Variants in MON1B observed in about 807,000 individuals in gnomAD.
MON1B encodes vacuolar fusion protein MON1 homolog B.
A neutral mutation model predicts 45.1 loss-of-function variants in MON1B; 26 were observed. The ratio of observed to expected loss-of-function variants is 0.58; its 90% confidence interval spans 0.42 to 0.80. MON1B has a LOEUF of 0.80. Among genes scored for constraint, MON1B ranks in the 30% least tolerant of loss-of-function variants. The probability of loss-of-function intolerance (pLI) is 0.00; values close to 1 mark genes in which losing one functional copy is unlikely to be tolerated. For missense variants in MON1B, 737 were observed against 754.5 expected (o/e 0.98, Z 0.27); for synonymous variants, 395 against 320.2 (o/e 1.23, Z -2.49).
In MON1B at chr16:77,201,589, G is replaced by C. The variant is rs958292111; in HGVS notation, c.*3281G>C. On this transcript the variant is annotated 3_prime_UTR_variant, in exon 6 of 6. Transcript: ENST00000248248. ...AGCATCTAAAATGCTCTTCCACTTC[G>C]GCAGTGACCATGCGATGTAATCAAA... 1 of 152,060 alleles carries C rather than the reference G, an allele frequency of 6.6e-6. No individual in the cohort carries two copies. Among genetic ancestry groups the C allele is most frequent in the African/African-American group, 2.4e-5 (1 of 41,406 alleles). 9.4% of individuals were successfully genotyped at this position (152,060 alleles called of 1,614,324 possible). A position where few individuals can be genotyped will look rare whatever the true frequency, so the allele number is the denominator to read the frequency against.
intron 4 of MON1B, 75 bp from the exon 5 acceptor site, chr16:77,195,460 A>G: frequency 6.7e-7 from 1 of 1,484,400 alleles, no homozygotes; most frequent in Non-Finnish European, 9.1e-7. Flanking sequence ...TGAAATCTCT[A>G]GACTGAGGGA....
In MON1B at chr16:77,194,282, C is replaced by T. The variant is rs759545608; in HGVS notation, c.476-53C>T. On this transcript the variant is annotated intron_variant, in intron 3 of 5. Coordinates refer to ENST00000248248, the MANE Select transcript of MON1B (RefSeq NM_014940.4). This position sits in a 1 kb window ranked among gnomAD's most constrained non-coding sequence, Gnocchi z 8.1. ...GGCAGAAGAGCCCCACTGTCTCCCT[C>T]TGGTCATTCCTGATCCAGCTGTACC... 6.7e-7 allele frequency: 1 copy of T among 1,496,024 alleles called. No homozygotes were observed. Among genetic ancestry groups the T allele is most frequent in the Admixed American group, 1.7e-5 (1 of 59,850 alleles). 92.7% of individuals were successfully genotyped at this position (1,496,024 alleles called of 1,614,324 possible). A position where few individuals can be genotyped will look rare whatever the true frequency, so the allele number is the denominator to read the frequency against.
chr16:77,191,606 C>G lies in MON1B; in HGVS notation c.121C>G (p.Pro41Ala), dbSNP rs377586319. 1.2e-6 allele frequency: 2 copies of G among 1,611,196 alleles called. No individual in the cohort carries two copies. Among genetic ancestry groups the G allele is most frequent in the Admixed American group, 3.4e-5 (2 of 58,772 alleles). The stretch of plus-strand genomic sequence containing the variant: ...AGGGGTTCACGCGGTCCCGCCGGAT[C>G]CCGAAGACGAGGGCCTGGAGGAAAC... ...GGGVHAVPPD[P>A]EDEGLEETGS... The change falls in exon 2 of 6, where the codon CCC (proline) becomes GCC (alanine). Residue 41 changes from proline (P) to alanine (A), a missense_variant. Transcript: ENST00000248248.
intron 5 of MON1B, 115 bp from the exon 6 acceptor site, chr16:77,197,993 C>A: frequency 9.6e-7 from 1 of 1,036,472 alleles, no homozygotes; most frequent in Non-Finnish European, 1.5e-6. Context: ...GTAGGAGGTG[C>A]TGCCAGGTAC....
In MON1B at chr16:77,199,884, C is replaced by G. The variant is rs1332651194; in HGVS notation, c.*1576C>G. 1 of 178,634 alleles carries G rather than the reference C, an allele frequency of 5.6e-6. No individual in the cohort carries two copies. Among genetic ancestry groups the G allele is most frequent in the African/African-American group, 2.4e-5 (1 of 42,070 alleles). 11.1% of individuals were successfully genotyped at this position (178,634 alleles called of 1,614,324 possible). ...CAGTGTCGCCATTTCACACCTAACA[C>G]ATATGACACTTTGATGGACTCTTAA... On this transcript the variant is annotated 3_prime_UTR_variant, in exon 6 of 6. Transcript: ENST00000248248.
In MON1B at chr16:77,198,568, C is replaced by T. The variant is rs2142504496; in HGVS notation, c.*260C>T. ...CTCTCCCTTCCCTCTGTCTCATCTC[C>T]TCCACTTGGATGATGCTCTAGCCTC... is the stretch of plus-strand genomic sequence containing the variant. On this transcript the variant is annotated 3_prime_UTR_variant, in exon 6 of 6. Coordinates refer to ENST00000248248, the MANE Select transcript of MON1B (RefSeq NM_014940.4). 5.8e-6 allele frequency: 3 copies of T among 516,666 alleles called. No homozygotes were observed. The East Asian group carries it at 1.0e-4, about 18-fold the overall frequency. The allele number at this position is 516,666 out of a possible 1,614,324, so 32.0% of individuals were successfully genotyped here. A position where few individuals can be genotyped will look rare whatever the true frequency, so the allele number is the denominator to read the frequency against.
In MON1B at chr16:77,191,347, G is replaced by A. The variant is rs1243528149; in HGVS notation, c.-11+89G>A. The A allele has an allele frequency of 3.2e-6, 5 of 1,560,740 alleles. No individual in the cohort carries two copies. In the African/African-American group the frequency reaches 6.8e-5, roughly 21 times the overall value. On this transcript the variant is annotated intron_variant, in intron 1 of 5. Transcript: ENST00000248248. ...GGGGGACGTATTTGGGCATGATTTTGGATGTCTCGTCCTATTGAAATCCGT... is the reference window on the plus strand; with the variant it reads ...GGGGGACGTATTTGGGCATGATTTTAGATGTCTCGTCCTATTGAAATCCGT...
rs552618780 is a variant in MON1B at position 77,193,701 on chromosome 16, G to T, written c.399G>T (p.Ser133=). ...YSRYGSVEAL[S]ATMGVMTALV... ...GGTATGGTAGTGTGGAGGCGCTGTC[G>T]GCTACCATGGGTGTAATGACCGCCC... Residue 133 remains serine (S), a synonymous_variant, in exon 3 of 6, where the codon TCG becomes TCT. Transcript: ENST00000248248. The surrounding 1 kb of genome is among the most constrained non-coding windows in gnomAD (Gnocchi z 5.0). The T allele has an allele frequency of 1.2e-6, 2 of 1,614,044 alleles. No individual in the cohort carries two copies. The highest frequency in any genetic ancestry group is 2.2e-5 in the South Asian group (2 of 91,092).
In MON1B at chr16:77,195,768, C is replaced by T. The variant is rs1175460126; in HGVS notation, c.1443+86C>T. ...TGTATCCCCTCCAGCCACAGTGCCT[C>T]CACCAAACACAGCAGGCCTCTGGCT... On this transcript the variant is annotated intron_variant, in intron 5 of 5. Coordinates refer to ENST00000248248, the MANE Select transcript of MON1B (RefSeq NM_014940.4). 4.6e-6 allele frequency: 7 copies of T among 1,508,754 alleles called. No individual in the cohort carries two copies. In the African/African-American group the frequency reaches 9.6e-5, roughly 21 times the overall value. 93.5% of individuals were successfully genotyped at this position (1,508,754 alleles called of 1,614,324 possible). A position where few individuals can be genotyped will look rare whatever the true frequency, so the allele number is the denominator to read the frequency against.
chr16:77,199,306 TGC>T lies in MON1B; in HGVS notation c.*1001_*1002del. 1.4e-6 allele frequency: 1 copy of T among 718,272 alleles called. No individual in the cohort carries two copies. The highest frequency in any genetic ancestry group is 2.4e-6 in the Non-Finnish European group (1 of 424,410). 44.5% of individuals were successfully genotyped at this position (718,272 alleles called of 1,614,324 possible). On this transcript the variant is annotated 3_prime_UTR_variant, in exon 6 of 6. Coordinates refer to ENST00000248248, the MANE Select transcript of MON1B (RefSeq NM_014940.4). Reference sequence around the variant, plus strand: ...TGGCAATCAGGGCCGCAGTGTGTTCTGCGCCTGCCCAGAGCTGACTCCTGATT... The same window carrying T: ...TGGCAATCAGGGCCGCAGTGTGTTCTGCCTGCCCAGAGCTGACTCCTGATT...
Position 77,199,912 on chromosome 16 carries a change from C to T in MON1B, c.*1604C>T, listed in dbSNP as rs1173492013. ...ATGACACTTTGATGGACTCTTAAACCTCCTAATCGAACATGGCCTCCCCCA... is the reference window on the plus strand; with the variant it reads ...ATGACACTTTGATGGACTCTTAAACTTCCTAATCGAACATGGCCTCCCCCA... On this transcript the variant is annotated 3_prime_UTR_variant, in exon 6 of 6. Transcript: ENST00000248248. 3 of 159,188 alleles carry T rather than the reference C, an allele frequency of 1.9e-5. No homozygotes were observed. The highest frequency in any genetic ancestry group is 6.4e-5 in the Admixed American group (1 of 15,692). The allele number at this position is 159,188 out of a possible 1,614,324, so 9.9% of individuals were successfully genotyped here.
chr16:77,194,066 C>G lies in MON1B; in HGVS notation c.476-269C>G, dbSNP rs1310821154. 2 of 599,570 alleles carry G rather than the reference C, an allele frequency of 3.3e-6. No homozygotes were observed. The highest frequency in any genetic ancestry group is 5.9e-6 in the Non-Finnish European group (2 of 337,452). The allele number at this position is 599,570 out of a possible 1,614,324, so 37.1% of individuals were successfully genotyped here. ...GTGGTTGAGCTGTGTCTTTCTGGCTCTGTGTCAGCCCTTGTACCATCTCTA... is the reference window on the plus strand; with the variant it reads ...GTGGTTGAGCTGTGTCTTTCTGGCTGTGTGTCAGCCCTTGTACCATCTCTA... On this transcript the variant is annotated intron_variant, in intron 3 of 5. Coordinates refer to ENST00000248248, the MANE Select transcript of MON1B (RefSeq NM_014940.4). The surrounding 1 kb of genome is among the most constrained non-coding windows in gnomAD (Gnocchi z 8.1).
chr16:77,192,701 A>G (rs1376178472), intron 2 of MON1B, among the ~76,000 whole-genome samples: 2 of 151,926 alleles, frequency 1.3e-5, no homozygotes, highest in African/African-American at 4.8e-5. Flanking sequence ...TGTTGGGGGT[A>G]GGGGGGAGTA....
rs980435569 is a variant in MON1B at position 77,198,425 on chromosome 16, C to G, written c.*117C>G. The G allele has an allele frequency of 5.4e-5, 64 of 1,187,994 alleles. No homozygotes were observed. In the Middle Eastern group the frequency reaches 1.6e-3, roughly 30 times the overall value. 73.6% of individuals were successfully genotyped at this position (1,187,994 alleles called of 1,614,324 possible). ...TGTGGCCAGTCATTGTCTCCCTAAGCAATGGGGCAAGGTCTGAGGGCCCAC... is the reference window on the plus strand; with the variant it reads ...TGTGGCCAGTCATTGTCTCCCTAAGGAATGGGGCAAGGTCTGAGGGCCCAC... On this transcript the variant is annotated 3_prime_UTR_variant, in exon 6 of 6. Transcript: ENST00000248248.
Position 77,191,580 on chromosome 16 carries a change from G to T in MON1B, c.95G>T (p.Gly32Val). 6.2e-7 allele frequency: 1 copy of T among 1,610,620 alleles called. No individual in the cohort carries two copies. The highest frequency in any genetic ancestry group is 1.1e-5 in the South Asian group (1 of 90,772). Residue 32 changes from glycine (G) to valine (V), a missense_variant, in exon 2 of 6, where the codon GGA becomes GTA. By Grantham distance (109) the Gly-to-Val change is moderately radical (BLOSUM62 -3). Coordinates refer to ENST00000248248, the MANE Select transcript of MON1B (RefSeq NM_014940.4). The part of the protein sequence containing the change: ...QFPSEEAREG[G>V]GVHAVPPDPE... ...CCCAGTGAGGAAGCTAGAGAAGGTG[G>T]AGGGGTTCACGCGGTCCCGCCGGAT... is the stretch of plus-strand genomic sequence containing the variant.
rs1424036230 is a variant in MON1B at position 77,198,922 on chromosome 16, CCAGGACA to C, written c.*618_*624del. Reference sequence around the variant, plus strand: ...GGCCTTCAGTGTCCACCTGTGGAACCCAGGACACAGCACCTGACTGCACACAGTGGCT... The same window carrying C: ...GGCCTTCAGTGTCCACCTGTGGAACCCAGCACCTGACTGCACACAGTGGCT... On this transcript the variant is annotated 3_prime_UTR_variant, in exon 6 of 6. Coordinates refer to ENST00000248248, the MANE Select transcript of MON1B (RefSeq NM_014940.4). 6.2e-6 allele frequency: 1 copy of C among 162,312 alleles called. No homozygotes were observed. The highest frequency in any genetic ancestry group is 1.4e-5 in the Non-Finnish European group (1 of 73,430). 10.1% of individuals were successfully genotyped at this position (162,312 alleles called of 1,614,324 possible). A position where few individuals can be genotyped will look rare whatever the true frequency, so the allele number is the denominator to read the frequency against.
chr16:77,198,396 T>G lies in MON1B; in HGVS notation c.*88T>G. The G allele has an allele frequency of 7.1e-7, 1 of 1,413,314 alleles. No homozygotes were observed. The highest frequency in any genetic ancestry group is 9.9e-7 in the Non-Finnish European group (1 of 1,010,526). The allele number at this position is 1,413,314 out of a possible 1,614,324, so 87.5% of individuals were successfully genotyped here. ...TACCCTGGAAATGTGTGTGGGGGTGTGTCTGTGGCCAGTCATTGTCTCCCT... is the reference window on the plus strand; with the variant it reads ...TACCCTGGAAATGTGTGTGGGGGTGGGTCTGTGGCCAGTCATTGTCTCCCT... On this transcript the variant is annotated 3_prime_UTR_variant, in exon 6 of 6. Transcript: ENST00000248248.
In MON1B at chr16:77,195,030, A is replaced by G. The variant is rs1188351281; in HGVS notation, c.1171A>G (p.Asn391Asp). ...CCTTGGGGAGGCTGCCAGCTTCTCT[A>G]ATGCCTCATCAGCCAGTGCTCCTGC... ...RALGEAASFS[N>D]ASSASAPAYS... is the part of the protein sequence containing the mutation. Residue 391 changes from asparagine to aspartate, a missense_variant, in exon 4 of 6, where the codon AAT (asparagine) becomes GAT (aspartate). Transcript: ENST00000248248. 1 of 1,612,526 alleles carries G rather than the reference A, an allele frequency of 6.2e-7. No homozygotes were observed. The highest frequency in any genetic ancestry group is 2.2e-5 in the East Asian group (1 of 44,852).
chr16:77,196,198 C>A (rs565224136), intron 5 of MON1B, among the ~76,000 whole-genome samples: 1 of 152,274 alleles, frequency 6.6e-6, no homozygotes, highest in Admixed American at 6.5e-5. Flanking sequence ...GTGAAGGAGG[C>A]CTCATCAGAA....
Sources: allele counts gnomAD v4.1 joint callset (sites outside exome capture counted in the v4.1 genomes callset), GRCh38; gene constraint gnomAD v4.1.1; non-coding constraint Gnocchi (gnomAD v3.1); transcripts MANE v1.5; gene names NCBI Gene and HGNC (gene_info 2026-07-23, HGNC 2026-07-21).